The following CDH5 variants were observed in gnomAD, a reference collection of about 807,000 sequenced individuals.
CDH5 encodes cadherin-5.
In CDH5, 28 loss-of-function variants were observed where a neutral mutation model predicts 62.0. The observed-to-expected ratio is 0.45, with a 90% CI of 0.33 to 0.62. CDH5 has a LOEUF of 0.62. CDH5 is among the 20% of genes least tolerant of loss of function. CDH5 has a pLI of 0.02. For missense variants in CDH5, 940 were observed against 1,065.1 expected (o/e 0.88, Z 1.63); for synonymous variants, 464 against 445.8 (o/e 1.04, Z -0.52).
chr16:66,381,882 T>G (rs1223807096), intron 2 of CDH5, among the ~76,000 whole-genome samples: 2 of 152,218 alleles, frequency 1.3e-5, no homozygotes, highest in African/African-American at 4.8e-5. Context: ...CAAATGACCA[T>G]AAGGCTACAA....
intron 9 of CDH5, 31 bp from the exon 10 acceptor site, chr16:66,398,425 C>A: frequency 7.4e-7 from 1 of 1,355,828 alleles, no homozygotes; most frequent in Non-Finnish European, 1.1e-6. Flanking sequence ...CCACCACCAT[C>A]ACTGACCATC....
intron 6 of CDH5, 61 bp downstream of exon 6, chr16:66,390,651 T>A (rs1961068271): frequency 8.6e-6 from 13 of 1,513,626 alleles, no homozygotes; most frequent in Non-Finnish European, 1.0e-5. Flanking sequence ...CACCCACAGG[T>A]CCTGCTTGGG....
intron 2 of CDH5, among the ~76,000 whole-genome samples, chr16:66,382,899 C>T (rs1354371566): frequency 6.6e-6 from 1 of 152,124 alleles, no homozygotes; most frequent in Non-Finnish European, 1.5e-5. Context: ...AGTCCTGAGC[C>T]GCCTTCTGAA....
intron 2 of CDH5, among the ~76,000 whole-genome samples, chr16:66,382,705 G>A (rs997343900): frequency 2.0e-5 from 3 of 152,128 alleles, no homozygotes; most frequent in Non-Finnish European, 4.4e-5. Context: ...ATGGGGCTGG[G>A]TCTCCGAGGA....
chr16:66,371,908 G>A (rs1960699452), intron 1 of CDH5, among the ~76,000 whole-genome samples: 1 of 152,124 alleles, frequency 6.6e-6, no homozygotes, highest in South Asian at 2.1e-4. Flanking sequence ...AGCAGCTCTA[G>A]CCCTTCCCCT....
intron 1 of CDH5, among the ~76,000 whole-genome samples, chr16:66,369,898 T>C (rs1325997653): frequency 1.3e-5 from 2 of 152,204 alleles, no homozygotes; most frequent in Admixed American, 6.5e-5. Context: ...GAAAGGGGCA[T>C]GTGGCAAGCT....
chr16:66,400,842 G>C lies in CDH5; in HGVS notation c.1663G>C (p.Val555Leu), dbSNP rs780362096. 2.5e-6 allele frequency: 4 copies of C among 1,614,180 alleles called. No homozygotes were observed. In the East Asian group the frequency reaches 8.9e-5, roughly 36 times the overall value. ...REHTKVHFLP[V>L]VISDNGMPSR... ...GCATACCAAGGTCCACTTCCTACCCGTGGTCATCTCAGACAATGGGATGCC... is the reference window on the plus strand; with the variant it reads ...GCATACCAAGGTCCACTTCCTACCCCTGGTCATCTCAGACAATGGGATGCC... Residue 555 changes from valine to leucine, a missense_variant, in exon 11 of 12, where the codon GTG (valine) becomes CTG (leucine). Transcript: ENST00000341529.
chr16:66,391,697 T>C (rs1248207169), intron 6 of CDH5, among the ~76,000 whole-genome samples: 2 of 152,088 alleles, frequency 1.3e-5, no homozygotes, highest in African/African-American at 4.8e-5. Flanking sequence ...CGCTTGAACC[T>C]GGGAGGTGGA....
chr16:66,395,560 C>CTTTTTTTT (rs1555513501), intron 7 of CDH5: 1 of 87,674 alleles, frequency 1.1e-5, no homozygotes, highest in Non-Finnish European at 2.3e-5. Context: ...TGGGATTTTC[C>CTTTTTTTT]TCATTAATAG....
intron 6 of CDH5, 128 bp from the exon 7 acceptor site, chr16:66,392,008 G>C (rs1961093582): frequency 8.9e-7 from 1 of 1,118,714 alleles, no homozygotes; most frequent in Admixed American, 2.0e-5. Flanking sequence ...CACTTGTCGA[G>C]GCCATGGGCC....
chr16:66,372,251 C>G (rs1960704909), intron 1 of CDH5, among the ~76,000 whole-genome samples: 1 of 152,252 alleles, frequency 6.6e-6, no homozygotes, highest in Admixed American at 6.5e-5. Flanking sequence ...ATCCCTCTCT[C>G]CCACGGAAGT....
intron 1 of CDH5, among the ~76,000 whole-genome samples, chr16:66,373,510 G>C (rs1001765547): frequency 3.3e-5 from 5 of 151,764 alleles, no homozygotes; most frequent in Non-Finnish European, 1.5e-5. Flanking sequence ...CCGCCTCCCA[G>C]GTTCAAGCGA....
Position 66,379,514 on chromosome 16 carries a change from G to T in CDH5, c.177G>T (p.Glu59Asp), listed in dbSNP as rs751562025. ...GGAACCAGATGCACATTGATGAAGAGAAAAACACCTCACTTCCCCATCATG... is the reference window on the plus strand; with the variant it reads ...GGAACCAGATGCACATTGATGAAGATAAAAACACCTCACTTCCCCATCATG... ...WIWNQMHIDE[E>D]KNTSLPHHVG... The change falls in exon 2 of 12, where the codon GAG becomes GAT. Residue 59 changes from glutamate to aspartate, a missense_variant. Physicochemically the swap from Glu to Asp is conservative, Grantham distance 45. Coordinates refer to ENST00000341529, the MANE Select transcript of CDH5 (RefSeq NM_001795.5). 6.2e-7 allele frequency: 1 copy of T among 1,614,220 alleles called. No individual in the cohort carries two copies. The highest frequency in any genetic ancestry group is 1.1e-5 in the South Asian group (1 of 91,074).
At chr16:66,396,940 C>A (rs539064870) in intron 8 of CDH5, among the ~76,000 whole-genome samples, 1 of 152,304 alleles carries the variant, frequency 6.6e-6, no homozygotes, top group South Asian at 2.1e-4. Flanking sequence ...CATGTTTGGC[C>A]AGATCAGTCT....
intron 2 of CDH5, among the ~76,000 whole-genome samples, chr16:66,379,892 ATC>A: frequency 7.7e-6 from 1 of 129,828 alleles, no homozygotes; most frequent in Non-Finnish European, 1.7e-5. Context: ...GATGGTGGTG[ATC>A]ACGGTGATGG....
chr16:66,380,715 AGGT>A (rs1019917870), intron 2 of CDH5, among the ~76,000 whole-genome samples: 17 of 147,804 alleles, frequency 1.2e-4, no homozygotes, highest in African/African-American at 3.8e-4. Context: ...GGGAAGGACA[AGGT>A]GGTGGTGGTG....
intron 2 of CDH5, among the ~76,000 whole-genome samples, chr16:66,381,672 A>T (rs1360821665): frequency 7.9e-5 from 12 of 152,238 alleles, no homozygotes; most frequent in Admixed American, 7.8e-4. Context: ...CAGTGGGCTA[A>T]GACAGACATG....
intron 2 of CDH5, among the ~76,000 whole-genome samples, chr16:66,385,876 C>G (rs373341437): frequency 9.2e-4 from 140 of 152,296 alleles, no homozygotes; most frequent in South Asian, 8.7e-3. Context: ...CACAAATATT[C>G]CTGAAAATTT....
At chr16:66,377,639 C>T (rs1960809077) in intron 1 of CDH5, 1 of 152,324 alleles carries the variant, frequency 6.6e-6, no homozygotes, top group Non-Finnish European at 1.5e-5. Context: ...CCATCCAGCA[C>T]CTTGTAGATC....
Sources: gnomAD v4.1 joint callset for allele counts (sites outside exome capture counted in the v4.1 genomes callset) on GRCh38, gnomAD v4.1.1 for gene constraint, MANE v1.5 for transcripts, NCBI Gene and HGNC (gene_info 2026-07-23, HGNC 2026-07-21) for gene names.